TAMM41: variants seen among roughly 807,000 people sequenced by gnomAD.
The protein encoded by TAMM41 is phosphatidate cytidylyltransferase, mitochondrial.
TAMM41 carries 36 observed loss-of-function variants against 44.1 expected under a neutral mutation model. The observed-to-expected ratio is 0.82, with a 90% CI of 0.63 to 1.08. The LOEUF is 1.08. TAMM41 is among the 50% of genes least tolerant of loss of function. The pLI is 0.00. For missense variants in TAMM41, 417 were observed against 404.3 expected, an observed-to-expected ratio of 1.03 and a Z score of -0.27; for synonymous variants, 164 against 153.1, an observed-to-expected ratio of 1.07 and a Z score of -0.53.
At chr3:11,754,708 CTTTTTTTTTT>C in the TAMM41 span, among the ~76,000 whole-genome samples, 170 of 103,550 alleles carry the variant, frequency 1.6e-3, no homozygotes, top group Non-Finnish European at 2.8e-3. Flanking sequence ...TCTCAGATCT[CTTTTTTTTTT>C]TTTTTTTTTT....
intron 7 of TAMM41, among the ~76,000 whole-genome samples, chr3:11,794,139 C>A (rs564525385): frequency 1.4e-5 from 2 of 142,114 alleles, no homozygotes; most frequent in Admixed American, 1.5e-4. Context: ...ACTAAGCTTA[C>A]TTTCTTCAAT....
chr3:11,790,899 AT>A (rs2077463458), intron 7 of TAMM41, among the ~76,000 whole-genome samples: 2 of 152,226 alleles, frequency 1.3e-5, no homozygotes, highest in African/African-American at 4.8e-5. Flanking sequence ...TAGGACAAGG[AT>A]AAGACTCTGT....
At chr3:11,732,270 C>T in the TAMM41 span, among the ~76,000 whole-genome samples, 5 of 151,976 alleles carry the variant, frequency 3.3e-5, no homozygotes, top group Non-Finnish European at 5.9e-5. Flanking sequence ...CTTCCTTCCT[C>T]CCTCCCTCCC....
intron 5 of TAMM41, among the ~76,000 whole-genome samples, chr3:11,815,197 A>G (rs6779138): frequency 0.15 from 23,210 of 152,098 alleles, 3,978 homozygotes; most frequent in East Asian, 0.48. Context: ...ATATCAGAGT[A>G]TAAACCGTGG....
At chr3:11,808,764 C>T in intron 6 of TAMM41, 1 of 315,222 alleles carries the variant, frequency 3.2e-6, no homozygotes, top group Non-Finnish European at 4.6e-6. Flanking sequence ...GCTGCTCTAT[C>T]ACCAAGCCTG....
At position 11,839,312 on chromosome 3, in the gene TAMM41, A is replaced by G; in HGVS notation, c.321T>C (p.Leu107=). 1 of 1,601,874 alleles carries G rather than the reference A, an allele frequency of 6.2e-7. No homozygotes were observed. The highest frequency in any genetic ancestry group is 8.5e-7 in the Non-Finnish European group (1 of 1,170,938). The change falls in exon 3 of 8, where the codon CTT becomes CTC. Residue 107 remains leucine, a splice_region_variant and synonymous_variant. Coordinates refer to ENST00000455809, the MANE Select transcript of TAMM41 (RefSeq NM_001284401.2). The stretch of plus-strand genomic sequence containing the variant: ...TAGTGCTAATAACTCCATATTTGAT[A>G]AGCTGAAGGAAAAAAGAAATGGCAC... The part of the protein sequence containing the change: ...YNSLIMCNGR[L]IKYGVISTNV...
chr3:11,829,748 G>C lies in TAMM41; in HGVS notation c.528C>G (p.Asp176Glu), dbSNP rs1158636410. The change falls in exon 4 of 8, where the codon GAC (aspartate) becomes GAG (glutamate). Residue 176 changes from aspartate to glutamate, a missense_variant. Asp to Glu is a conservative substitution (Grantham distance 45, BLOSUM62 2). Coordinates refer to ENST00000455809, the MANE Select transcript of TAMM41 (RefSeq NM_001284401.2). ...AGAGACCGGCAATCTCTATGAAGAG[G>C]TCTTCTTCAGAAAAGCTTTCGGGGA... ...LMLPESFSEE[D>E]LFIEIAGLSY... is the part of the protein sequence containing the mutation. The C allele has an allele frequency of 1.2e-6, 2 of 1,614,066 alleles. No individual in the cohort carries two copies. The highest frequency in any genetic ancestry group is 1.7e-6 in the Non-Finnish European group (2 of 1,180,032).
chr3:11,793,017 C>T (rs889383806), intron 7 of TAMM41, among the ~76,000 whole-genome samples: 7 of 144,790 alleles, frequency 4.8e-5, no homozygotes, highest in East Asian at 4.3e-4. Flanking sequence ...GCCGAGATCA[C>T]GCCACTGCAC....
At chr3:11,737,151 C>T in the TAMM41 span, among the ~76,000 whole-genome samples, 34 of 152,034 alleles carry the variant, frequency 2.2e-4, no homozygotes, top group Non-Finnish European at 4.4e-4. Context: ...CAGTGGGCTC[C>T]GTTTCTGCTT....
chr3:11,767,349 G>A, the TAMM41 span, among the ~76,000 whole-genome samples: 6 of 152,086 alleles, frequency 3.9e-5, no homozygotes, highest in Non-Finnish European at 5.9e-5. Context: ...GATTACAGGC[G>A]TGAGTCACCA....
chr3:11,746,692 A>G, the TAMM41 span, among the ~76,000 whole-genome samples: 1 of 152,150 alleles, frequency 6.6e-6, no homozygotes, highest in Non-Finnish European at 1.5e-5. Flanking sequence ...TCTATTGCTC[A>G]TGTTGGAGTG....
chr3:11,787,228 A>G (rs1275697729), downstream of TAMM41, among the ~76,000 whole-genome samples: 2 of 152,210 alleles, frequency 1.3e-5, no homozygotes, highest in African/African-American at 2.4e-5. Context: ...CTCATCTGTT[A>G]TATTCTACCT....
At chr3:11,787,522 A>G (rs913419278), downstream of TAMM41, among the ~76,000 whole-genome samples, 3 of 151,960 alleles carry the variant, frequency 2.0e-5, no homozygotes, top group African/African-American at 7.3e-5. Context: ...CCTATATTAA[A>G]TTCCTTCTAT....
intron 5 of TAMM41, among the ~76,000 whole-genome samples, chr3:11,815,015 T>G (rs938212009): frequency 6.6e-6 from 1 of 152,090 alleles, no homozygotes; most frequent in African/African-American, 2.4e-5. Context: ...AGTGACTGAA[T>G]AATGAATGGA....
At chr3:11,821,278 C>T (rs1422442556) in intron 4 of TAMM41, among the ~76,000 whole-genome samples, 1 of 152,210 alleles carries the variant, frequency 6.6e-6, no homozygotes, top group African/African-American at 2.4e-5. Context: ...AATTATACAA[C>T]TCACCATAAT....
Position 11,843,621 on chromosome 3 carries a change from C to T in TAMM41, c.318+408G>A, listed in dbSNP as rs547210153. 1.5e-4 allele frequency: 24 copies of T among 156,942 alleles called. 1 individual carries two copies. In the East Asian group the frequency reaches 2.8e-3, roughly 18 times the overall value. 9.7% of individuals were successfully genotyped at this position (156,942 alleles called of 1,614,324 possible). The stretch of plus-strand genomic sequence containing the variant: ...ATCCCAGCTAACTGGGAGGCTGAGG[C>T]GGGAGAATCACTTGAACCCGTGAGG... On this transcript the variant is annotated intron_variant, in intron 2 of 7. Transcript: ENST00000455809.
At chr3:11,825,806 T>G (rs377218744) in intron 4 of TAMM41, among the ~76,000 whole-genome samples, 1 of 152,210 alleles carries the variant, frequency 6.6e-6, no homozygotes, top group East Asian at 1.9e-4. Context: ...TTTTTTTAAT[T>G]TAAGAAACAG....
At chr3:11,819,784 A>G (rs1468896514) in intron 4 of TAMM41, among the ~76,000 whole-genome samples, 1 of 152,196 alleles carries the variant, frequency 6.6e-6, no homozygotes, top group Non-Finnish European at 1.5e-5. Context: ...AAAAAATGAG[A>G]AAAACAAGAC....
downstream of TAMM41, among the ~76,000 whole-genome samples, chr3:11,788,463 A>C (rs1416138877): frequency 6.6e-6 from 1 of 152,062 alleles, no homozygotes; most frequent in Non-Finnish European, 1.5e-5. Flanking sequence ...TTTGAAAAAA[A>C]CTTTTTGTAG....
Sources: gnomAD v4.1 joint callset for allele counts (sites outside exome capture counted in the v4.1 genomes callset) on GRCh38, gnomAD v4.1.1 for gene constraint, MANE v1.5 for transcripts, NCBI Gene and HGNC (gene_info 2026-07-23, HGNC 2026-07-21) for gene names.